Variants in ZNF570 observed in about 807,000 individuals in gnomAD.
The protein encoded by ZNF570 is zinc finger protein 570.
ZNF570 carries 8 observed loss-of-function variants against 14.2 expected under a neutral mutation model. That is an observed-to-expected ratio of 0.56 (90% confidence interval 0.33 to 1.02). The LOEUF (loss-of-function observed/expected upper bound fraction) is 1.02. Among genes scored for constraint, ZNF570 ranks in the 50% least tolerant of loss-of-function variants. The pLI is 0.03. For synonymous variants in ZNF570, 202 were observed against 207.6 expected, an observed-to-expected ratio of 0.97 and a Z score of 0.23; for missense variants, 559 against 624.9, an observed-to-expected ratio of 0.89 and a Z score of 1.12.
chr19:37,470,186 C>T, intron 1 of ZNF570, 118 bp from the exon 2 acceptor site: 1 of 826,876 alleles, frequency 1.2e-6, no homozygotes. Flanking sequence ...CTCCATTATG[C>T]TCTCTCTATT....
At chr19:37,477,622 G>T (rs191637968) in intron 4 of ZNF570, among the ~76,000 whole-genome samples, 129 of 152,070 alleles carry the variant, frequency 8.5e-4, no homozygotes, top group Middle Eastern at 3.4e-3. Flanking sequence ...GATTACAGAC[G>T]TGAGCCACTG....
rs765107312 is a variant in ZNF570, at chr19:37,483,892, A to G, written c.270A>G (p.Ile90Met). Residue 90 changes from isoleucine to methionine, a missense_variant, in exon 5 of 5, where the codon ATA becomes ATG. By Grantham distance (10) the Ile-to-Met change is conservative (BLOSUM62 1). Transcript: ENST00000330173. ...TKGLCSGWEP[I>M]CETEELTPKQ... ...ATTACTTTTCAGGCTGGGAGCCTATATGTGAGACTGAAGAATTAACCCCAA... is the reference window on the plus strand; with the variant it reads ...ATTACTTTTCAGGCTGGGAGCCTATGTGTGAGACTGAAGAATTAACCCCAA... 3 of 1,609,694 alleles carry G rather than the reference A, an allele frequency of 1.9e-6. No homozygotes were observed. Among genetic ancestry groups the G allele is most frequent in the African/African-American group, 1.3e-5 (1 of 74,832 alleles).
At chr19:37,468,078 T>TC, upstream of ZNF570, 2 of 736,684 alleles carry the variant, frequency 2.7e-6, no homozygotes, top group South Asian at 3.6e-5. Flanking sequence ...CGTGTTTTTT[T>TC]TTTTTTGTTT....
chr19:37,479,954 G>A (rs2042067983), intron 4 of ZNF570, among the ~76,000 whole-genome samples: 1 of 151,924 alleles, frequency 6.6e-6, no homozygotes, highest in Non-Finnish European at 1.5e-5. Context: ...TGATGGTGGT[G>A]GTCAGTTAAA....
In ZNF570 at chr19:37,485,542, C is replaced by T; in HGVS notation, c.*309C>T. The T allele has an allele frequency of 4.1e-6, 1 of 246,098 alleles. No homozygotes were observed. Among genetic ancestry groups the T allele is most frequent in the Non-Finnish European group, 7.8e-6 (1 of 128,382 alleles). 15.2% of individuals were successfully genotyped at this position (246,098 alleles called of 1,614,324 possible). A position where few individuals can be genotyped will look rare whatever the true frequency, so the allele number is the denominator to read the frequency against. ...GTTCAAGCAATTCTCATGCATCAGCCTCCCGAGTAGCTGGGACTATAGACA... is the reference window on the plus strand; with the variant it reads ...GTTCAAGCAATTCTCATGCATCAGCTTCCCGAGTAGCTGGGACTATAGACA... On this transcript the variant is annotated 3_prime_UTR_variant, in exon 5 of 5. Coordinates refer to ENST00000330173, the MANE Select transcript of ZNF570 (RefSeq NM_144694.5).
At chr19:37,476,564 C>T in intron 4 of ZNF570, 130 bp downstream of exon 4, 3 of 1,305,278 alleles carry the variant, frequency 2.3e-6, no homozygotes, top group Non-Finnish European at 3.0e-6. Flanking sequence ...AAATTTGGGG[C>T]CATTTAGGAT....
At chr19:37,469,619 G>A in intron 1 of ZNF570, 62 bp downstream of exon 1, 1 of 1,477,038 alleles carries the variant, frequency 6.8e-7, no homozygotes, top group Non-Finnish European at 9.1e-7. Context: ...GTGTGACTGG[G>A]TGCGAGGAAG....
In ZNF570 at chr19:37,476,398, A is replaced by G; in HGVS notation, c.220A>G (p.Met74Val). ...GTTGGAACAAGGAAAAGCACCCTGG[A>G]TGGTGAAGAGAGAGCTGACAAAAGG... ...LLLEQGKAPWMVKRELTKGLC... is the reference protein window; with the variant it reads ...LLLEQGKAPWVVKRELTKGLC... Residue 74 changes from methionine (M) to valine (V), a missense_variant, in exon 4 of 5, where the codon ATG becomes GTG. By Grantham distance (21) the Met-to-Val change is conservative. Transcript: ENST00000330173. 3.7e-6 allele frequency: 6 copies of G among 1,614,012 alleles called. No homozygotes were observed. Among genetic ancestry groups the G allele is most frequent in the Non-Finnish European group, 5.1e-6 (6 of 1,179,962 alleles).
intron 2 of ZNF570, among the ~76,000 whole-genome samples, chr19:37,470,786 A>G (rs1600374305): frequency 1.5e-5 from 2 of 130,354 alleles, no homozygotes; most frequent in African/African-American, 5.9e-5. Flanking sequence ...GGCAACATCC[A>G]CCTCCTGGGT....
intron 1 of ZNF570, 32 bp downstream of exon 1, chr19:37,469,589 C>G: frequency 6.5e-7 from 1 of 1,529,660 alleles, no homozygotes; most frequent in Admixed American, 2.0e-5. Flanking sequence ...GCTGTCACCC[C>G]GTGTGCCTGT....
chr19:37,470,209 G>C (rs1364006260), intron 1 of ZNF570, 95 bp from the exon 2 acceptor site: 6 of 1,144,066 alleles, frequency 5.2e-6, no homozygotes, highest in Non-Finnish European at 7.7e-6. Context: ...AGGGAAGGTT[G>C]CAAGAGGAGG....
intron 2 of ZNF570, among the ~76,000 whole-genome samples, chr19:37,472,296 C>G (rs1165060219): frequency 6.6e-6 from 1 of 151,514 alleles, no homozygotes; most frequent in Non-Finnish European, 1.5e-5. Context: ...ACTTCTCTCT[C>G]TACCTCTACT....
upstream of ZNF570, chr19:37,469,228 C>G: frequency 7.4e-7 from 1 of 1,353,378 alleles, no homozygotes; most frequent in Non-Finnish European, 9.5e-7. Flanking sequence ...CTGCGCGGAG[C>G]TGCACCGCTG....
At chr19:37,480,356 C>T (rs2042073292) in intron 4 of ZNF570, among the ~76,000 whole-genome samples, 1 of 152,014 alleles carries the variant, frequency 6.6e-6, no homozygotes, top group South Asian at 2.1e-4. Context: ...TGGTGGCATG[C>T]ACCTGCAGTC....
At chr19:37,481,468 G>C (rs2042087881) in intron 4 of ZNF570, among the ~76,000 whole-genome samples, 2 of 152,090 alleles carry the variant, frequency 1.3e-5, no homozygotes, top group Admixed American at 1.3e-4. Flanking sequence ...TTATTTTTAT[G>C]AGTGCTTTAA....
chr19:37,474,380 C>G (rs2042001005), intron 2 of ZNF570, among the ~76,000 whole-genome samples: 1 of 152,128 alleles, frequency 6.6e-6, no homozygotes, highest in South Asian at 2.1e-4. Flanking sequence ...AGAGATTTAC[C>G]TACTTCCTAT....
At position 37,484,559 on chromosome 19, in the gene ZNF570, C is replaced by G. The variant is rs755225248; in HGVS notation, c.937C>G (p.Gln313Glu). The change falls in exon 5 of 5, where the codon CAG becomes GAG. Residue 313 changes from glutamine to glutamate, a missense_variant. Coordinates refer to ENST00000330173, the MANE Select transcript of ZNF570 (RefSeq NM_144694.5). ...ECKVCRKAFS[Q>E]FAYLAQHQRV... Reference sequence around the variant, plus strand: ...TAAGGTATGTCGAAAAGCCTTCAGCCAGTTTGCCTACCTTGCTCAACATCA... The same window carrying G: ...TAAGGTATGTCGAAAAGCCTTCAGCGAGTTTGCCTACCTTGCTCAACATCA... 2 of 1,614,106 alleles carry G rather than the reference C, an allele frequency of 1.2e-6. No individual in the cohort carries two copies. Among genetic ancestry groups the G allele is most frequent in the Non-Finnish European group, 1.7e-6 (2 of 1,180,010 alleles).
chr19:37,478,488 T>G (rs1001566157), intron 4 of ZNF570, among the ~76,000 whole-genome samples: 1 of 152,162 alleles, frequency 6.6e-6, no homozygotes, highest in African/African-American at 2.4e-5. Context: ...TGAGTAGATA[T>G]ATTTGTGAAT....
chr19:37,470,695 C>CTTTTTTTTTT lies in ZNF570; in HGVS notation c.33+323_33+332dup, dbSNP rs760686313. 8.8e-3 allele frequency among the ~76,000 whole-genome samples: 813 copies of CTTTTTTTTTT among 92,796 alleles called. 1 individual carries two copies. Among genetic ancestry groups the CTTTTTTTTTT allele is most frequent in the Non-Finnish European group, 0.013 (617 of 48,438 alleles). 60.9% of individuals were successfully genotyped at this position (92,796 alleles called of 152,430 possible). The stretch of plus-strand genomic sequence containing the variant: ...TGTGGTGAGTACATTCTTATTTATT[C>CTTTTTTTTTT]TTTTTTTTTTTTTTTTTTTTTTTTG... On this transcript the variant is annotated intron_variant, in intron 2 of 4. Coordinates refer to ENST00000330173, the MANE Select transcript of ZNF570 (RefSeq NM_144694.5).
Sources: allele counts gnomAD v4.1 joint callset (sites outside exome capture counted in the v4.1 genomes callset), GRCh38; gene constraint gnomAD v4.1.1; transcripts MANE v1.5; gene names NCBI Gene and HGNC (gene_info 2026-07-23, HGNC 2026-07-21).